SESN3: variants seen among roughly 807,000 people sequenced by gnomAD.
The protein encoded by SESN3 is sestrin-3.
In SESN3, 21 loss-of-function variants were observed where a neutral mutation model predicts 55.3. The ratio of observed to expected loss-of-function variants is 0.38; its 90% CI spans 0.27 to 0.55. SESN3 has a LOEUF of 0.55. SESN3 is among the 20% of genes least tolerant of loss of function. The pLI is 0.76. For missense variants in SESN3, 408 were observed against 604.3 expected (o/e 0.68, Z 3.41); for synonymous variants, 181 against 203.1 (o/e 0.89, Z 0.93).
intron 4 of SESN3, among the ~76,000 whole-genome samples, chr11:95,186,242 G>GTGTGTGTGTGTGTGTGTGTGTGTGGT (rs1555118918): frequency 1.6e-5 from 2 of 127,612 alleles, no homozygotes; most frequent in East Asian, 2.3e-4. Context: ...GTGTGTGTGT[G>GTGTGTGTGTGTGTGTGTGTGTGTGGT]GTGTATGTAA....
intron 1 of SESN3, among the ~76,000 whole-genome samples, chr11:95,194,813 G>GA (rs897983502): frequency 9.2e-4 from 139 of 151,388 alleles, no homozygotes; most frequent in Non-Finnish European, 1.4e-3. Flanking sequence ...ATAAGATATA[G>GA]AAAAAAAAAT....
intron 1 of SESN3, among the ~76,000 whole-genome samples, chr11:95,210,985 G>GA (rs1860644174): frequency 6.6e-6 from 1 of 152,166 alleles, no homozygotes; most frequent in African/African-American, 2.4e-5. Context: ...TGCATTATGT[G>GA]AAAAATTCAG....
intron 4 of SESN3, among the ~76,000 whole-genome samples, chr11:95,187,640 T>C (rs572876846): frequency 5.9e-4 from 89 of 152,050 alleles, no homozygotes; most frequent in Admixed American, 3.0e-3. Flanking sequence ...CTTGCTACCC[T>C]GAGAAAGATC....
intron 1 of SESN3, among the ~76,000 whole-genome samples, chr11:95,195,424 A>C (rs2134238959): frequency 6.6e-6 from 1 of 152,306 alleles, no homozygotes; most frequent in East Asian, 1.9e-4. Flanking sequence ...ATTTGTGTCA[A>C]CACTGATTTC....
chr11:95,191,901 G>C (rs1022044654), intron 2 of SESN3, among the ~76,000 whole-genome samples: 1 of 152,012 alleles, frequency 6.6e-6, no homozygotes, highest in African/African-American at 2.4e-5. Flanking sequence ...GATTCTTCAG[G>C]GTCCATTTGC....
chr11:95,193,597 T>G (rs929358174), intron 1 of SESN3, 75 bp from the exon 2 acceptor site: 1 of 808,920 alleles, frequency 1.2e-6, no homozygotes, highest in East Asian at 2.5e-5. Flanking sequence ...CATTTATTGC[T>G]AAGGTACTAA....
intron 1 of SESN3, among the ~76,000 whole-genome samples, chr11:95,203,354 G>A (rs532434914): frequency 5.3e-5 from 8 of 152,172 alleles, no homozygotes; most frequent in African/African-American, 1.2e-4. Context: ...ACTTCTTTAC[G>A]CACTGAGTCA....
intron 1 of SESN3, among the ~76,000 whole-genome samples, chr11:95,203,375 C>T (rs1298908964): frequency 1.3e-5 from 2 of 152,100 alleles, no homozygotes; most frequent in Non-Finnish European, 2.9e-5. Flanking sequence ...GAAATAAGAA[C>T]TCATGTTCTC....
intron 7 of SESN3, among the ~76,000 whole-genome samples, chr11:95,178,186 G>A (rs1470095689): frequency 2.6e-5 from 4 of 152,148 alleles, no homozygotes; most frequent in East Asian, 1.9e-4. Flanking sequence ...TTATCTGGAA[G>A]GGCCCCAGGA....
Position 95,211,282 on chromosome 11 carries a change from C to T in SESN3, c.79-17760G>A, listed in dbSNP as rs533053640. Among the ~76,000 whole-genome samples, 8 of 152,256 alleles carry T rather than the reference C, an allele frequency of 5.3e-5. No individual in the cohort carries two copies. In the South Asian group the frequency reaches 1.7e-3, roughly 32 times the overall value. ...CTGCATGGTGTGCAGTGTCCTCTTC[C>T]CCTGGACTGTGAGTATATGTGACTA... On this transcript the variant is annotated intron_variant, in intron 1 of 9. Coordinates refer to ENST00000536441, the MANE Select transcript of SESN3 (RefSeq NM_144665.4).
At position 95,217,687 on chromosome 11, in the gene SESN3, A is replaced by G. The variant is rs996704678; in HGVS notation, c.78+13096T>C. Among the ~76,000 whole-genome samples, 43 of 150,972 alleles carry G rather than the reference A, an allele frequency of 2.8e-4. 4 individuals carry two copies. On this transcript the variant is annotated intron_variant, in intron 1 of 9. Coordinates refer to ENST00000536441, the MANE Select transcript of SESN3 (RefSeq NM_144665.4). ...AAAAAAAGCTTAATTGTCAATCCTCATTTCAAAGGAAGAATTCTGACTGAA... is the reference window on the plus strand; with the variant it reads ...AAAAAAAGCTTAATTGTCAATCCTCGTTTCAAAGGAAGAATTCTGACTGAA...
intron 1 of SESN3, among the ~76,000 whole-genome samples, chr11:95,218,495 T>C (rs1860800621): frequency 6.6e-6 from 1 of 152,224 alleles, no homozygotes; most frequent in Non-Finnish European, 1.5e-5. Flanking sequence ...TAAATGTTTA[T>C]AGCCTTAACA....
At chr11:95,194,404 T>C (rs1433647634) in intron 1 of SESN3, among the ~76,000 whole-genome samples, 1 of 152,068 alleles carries the variant, frequency 6.6e-6, no homozygotes, top group Non-Finnish European at 1.5e-5. Flanking sequence ...TTGGTGAAAG[T>C]AGGCAGTCAG....
intron 1 of SESN3, among the ~76,000 whole-genome samples, chr11:95,195,843 T>C (rs1381122227): frequency 6.6e-6 from 1 of 152,204 alleles, no homozygotes; most frequent in Admixed American, 6.5e-5. Context: ...ACCAATTTTA[T>C]TTTCATCGGC....
At chr11:95,224,157 C>T (rs986899336) in intron 1 of SESN3, among the ~76,000 whole-genome samples, 2 of 152,052 alleles carry the variant, frequency 1.3e-5, no homozygotes, top group Admixed American at 6.6e-5. Flanking sequence ...GACATAGCTA[C>T]ATAGTTGGAA....
rs756501529 is a variant in SESN3, at chr11:95,173,338, G to T, written c.1396C>A (p.His466Asn). Residue 466 changes from histidine (H) to asparagine (N), a missense_variant, in exon 10 of 10, where the codon CAT becomes AAT. Around this residue, in one of 4 missense-constraint regions of SESN3, gnomAD observed 121 missense variants for 204.9 expected, o/e 0.59. Coordinates refer to ENST00000536441, the MANE Select transcript of SESN3 (RefSeq NM_144665.4). ...GCTTCCATTAAAAGTAGATTGACAT[G>T]AACCTAGAAGTGAAAATGTTATCAG... ...WRQFKHSEKV[H>N]VNLLLMEARM... 6.3e-7 allele frequency: 1 copy of T among 1,580,566 alleles called. No individual in the cohort carries two copies. The highest frequency in any genetic ancestry group is 8.7e-7 in the Non-Finnish European group (1 of 1,152,080).
chr11:95,231,235 A>T (rs955718323), upstream of SESN3: 11 of 392,938 alleles, frequency 2.8e-5, no homozygotes, highest in Admixed American at 2.7e-4. Context: ...CACCTTCACC[A>T]CCTCCACGCT....
chr11:95,167,304 T>A lies in SESN3; in HGVS notation c.*5951A>T, dbSNP rs551224945. The A allele has an allele frequency of 6.6e-6, 1 of 152,256 alleles. No homozygotes were observed. Among genetic ancestry groups the A allele is most frequent in the East Asian group, 1.9e-4 (1 of 5,184 alleles). 9.4% of individuals were successfully genotyped at this position (152,256 alleles called of 1,614,324 possible). A position where few individuals can be genotyped will look rare whatever the true frequency, so the allele number is the denominator to read the frequency against. Reference sequence around the variant, plus strand: ...GAAAATAGACTGTTCTAGCAAAATTTACATAACAAAAATTCTATTCATCTT... The same window carrying A: ...GAAAATAGACTGTTCTAGCAAAATTAACATAACAAAAATTCTATTCATCTT... On this transcript the variant is annotated 3_prime_UTR_variant, in exon 10 of 10. Coordinates refer to ENST00000536441, the MANE Select transcript of SESN3 (RefSeq NM_144665.4).
At chr11:95,218,762 T>A (rs927749629) in intron 1 of SESN3, among the ~76,000 whole-genome samples, 1 of 151,598 alleles carries the variant, frequency 6.6e-6, no homozygotes, top group African/African-American at 2.4e-5. Flanking sequence ...GGCATTCTCC[T>A]GACTCGGCCT....
Sources: allele counts gnomAD v4.1 joint callset (sites outside exome capture counted in the v4.1 genomes callset), GRCh38; gene constraint gnomAD v4.1.1; regional missense constraint gnomAD v4.1.1; transcripts MANE v1.5; gene names NCBI Gene and HGNC (gene_info 2026-07-23, HGNC 2026-07-21).